Variants in DENND1A observed in about 807,000 individuals in gnomAD.
The protein encoded by DENND1A is DENN domain containing 1A, also known as DENN domain-containing protein 1A.
DENND1A carries 51 observed loss-of-function variants against 113.7 expected under a neutral mutation model. The ratio of observed to expected loss-of-function variants is 0.45; its 90% CI spans 0.36 to 0.57. The LOEUF is 0.57. Ranked by LOEUF, DENND1A falls within the 20% of genes least tolerant of loss-of-function variation. DENND1A has a pLI of 0.00. For missense variants in DENND1A, 1,258 were observed against 1,395.9 expected, an observed-to-expected ratio of 0.90 and a Z score of 1.57; for synonymous variants, 565 against 570.8, an observed-to-expected ratio of 0.99 and a Z score of 0.14.
At chr9:123,531,552 T>TACACACA (rs1266925768) in intron 13 of DENND1A, among the ~76,000 whole-genome samples, 4 of 133,872 alleles carry the variant, frequency 3.0e-5, no homozygotes, top group Middle Eastern at 3.7e-3. Flanking sequence ...CCCCTCTCTC[T>TACACACA]CTACACACAC....
At chr9:123,432,044 G>C (rs935798039) in intron 19 of DENND1A, among the ~76,000 whole-genome samples, 1 of 152,098 alleles carries the variant, frequency 6.6e-6, no homozygotes, top group Non-Finnish European at 1.5e-5. Flanking sequence ...GTTCTTCCAT[G>C]GTACATCAGG....
intron 8 of DENND1A, among the ~76,000 whole-genome samples, chr9:123,656,808 T>C (rs1206333898): frequency 6.6e-6 from 1 of 152,246 alleles, no homozygotes; most frequent in Non-Finnish European, 1.5e-5. Context: ...ACTCACCTAC[T>C]TGGAAAGGAA....
At chr9:123,885,655 G>A (rs1011713759) in intron 1 of DENND1A, among the ~76,000 whole-genome samples, 7 of 152,224 alleles carry the variant, frequency 4.6e-5, no homozygotes, top group Non-Finnish European at 7.4e-5. Context: ...AGGGAGGTCT[G>A]CTCAGTTTTT....
chr9:123,421,695 G>A (rs989246405), intron 19 of DENND1A, among the ~76,000 whole-genome samples: 1 of 152,176 alleles, frequency 6.6e-6, no homozygotes. Context: ...ATGCAACTAG[G>A]AAATGAGAAG....
chr9:123,398,532 G>A (rs2043253982), intron 21 of DENND1A, among the ~76,000 whole-genome samples: 1 of 151,218 alleles, frequency 6.6e-6, no homozygotes. Context: ...CCACCACCAT[G>A]CCCGGCTAAT....
intron 16 of DENND1A, 89 bp downstream of exon 16, chr9:123,454,650 C>T: frequency 7.5e-7 from 1 of 1,335,504 alleles, no homozygotes; most frequent in Admixed American, 2.0e-5. Flanking sequence ...TGGAGTGCTC[C>T]AGGATGGAAG....
intron 2 of DENND1A, among the ~76,000 whole-genome samples, chr9:123,803,216 T>C (rs1385306268): frequency 2.6e-5 from 4 of 152,202 alleles, no homozygotes; most frequent in Non-Finnish European, 5.9e-5. Context: ...TCATGTATAC[T>C]TGGAAACTCC....
chr9:123,528,997 G>A lies in DENND1A; in HGVS notation c.993+28573C>T, dbSNP rs151195735. Among the ~76,000 whole-genome samples the A allele has an allele frequency of 4.9e-3, 741 of 152,132 alleles. 7 individuals carry two copies. Among genetic ancestry groups the A allele is most frequent in the African/African-American group, 0.017 (710 of 41,500 alleles). On this transcript the variant is annotated intron_variant, in intron 13 of 23. Transcript: ENST00000394215. The stretch of plus-strand genomic sequence containing the variant: ...CTCTGGCAGAGTTAATCACATCCTC[G>A]TTGTGTCACTCTCTTATTTAGCAGC...
chr9:123,632,512 G>T (rs1449832264), intron 9 of DENND1A, among the ~76,000 whole-genome samples: 1 of 152,126 alleles, frequency 6.6e-6, no homozygotes, highest in Admixed American at 6.6e-5. Context: ...CTGAAGTCAG[G>T]CTGGAGGGTT....
chr9:123,735,724 C>T (rs1369705358), intron 5 of DENND1A, among the ~76,000 whole-genome samples: 7 of 152,144 alleles, frequency 4.6e-5, no homozygotes, highest in Admixed American at 2.0e-4. Flanking sequence ...CTTGGCTGGG[C>T]GTGGTGGCTC....
chr9:123,622,547 A>AT (rs2138288346), intron 10 of DENND1A, among the ~76,000 whole-genome samples: 1 of 152,250 alleles, frequency 6.6e-6, no homozygotes, highest in Non-Finnish European at 1.5e-5. Context: ...GACATGAAGA[A>AT]TTTTTTCATA....
intron 21 of DENND1A, among the ~76,000 whole-genome samples, chr9:123,395,737 C>T (rs1194280204): frequency 6.6e-6 from 1 of 152,142 alleles, no homozygotes; most frequent in African/African-American, 2.4e-5. Flanking sequence ...GATGCACTGG[C>T]AGCTTCATAC....
intron 5 of DENND1A, among the ~76,000 whole-genome samples, chr9:123,677,221 G>A (rs111810142): frequency 0.019 from 2,892 of 152,182 alleles, 46 homozygotes; most frequent in Admixed American, 0.029. Flanking sequence ...ATCTGCAAAG[G>A]GTCCCAATGC....
intron 20 of DENND1A, among the ~76,000 whole-genome samples, chr9:123,404,396 T>C (rs1475955875): frequency 6.6e-6 from 1 of 152,358 alleles, no homozygotes; most frequent in East Asian, 1.9e-4. Context: ...GAGGGATGGG[T>C]TGAGAGCTAA....
At chr9:123,922,482 T>C (rs934490861) in intron 1 of DENND1A, among the ~76,000 whole-genome samples, 2 of 152,214 alleles carry the variant, frequency 1.3e-5, no homozygotes, top group Non-Finnish European at 2.9e-5. Flanking sequence ...ATTTCTAACA[T>C]ATTCTCACGT....
At chr9:123,797,545 A>C (rs1176102541) in intron 2 of DENND1A, among the ~76,000 whole-genome samples, 1 of 152,182 alleles carries the variant, frequency 6.6e-6, no homozygotes, top group Non-Finnish European at 1.5e-5. Flanking sequence ...TGATAAGATG[A>C]CCGCAAACTG....
chr9:123,881,366 G>C (rs1848292102), intron 1 of DENND1A, among the ~76,000 whole-genome samples: 1 of 152,084 alleles, frequency 6.6e-6, no homozygotes. Flanking sequence ...TGAAAGAAAG[G>C]GAAGTTCAAA....
intron 5 of DENND1A, among the ~76,000 whole-genome samples, chr9:123,714,008 T>C (rs571589593): frequency 6.6e-6 from 1 of 152,372 alleles, no homozygotes; most frequent in African/African-American, 2.4e-5. Context: ...AATTGGAATT[T>C]ACTTTTAACA....
intron 13 of DENND1A, among the ~76,000 whole-genome samples, chr9:123,512,256 A>T (rs969923557): frequency 7.9e-5 from 12 of 152,218 alleles, no homozygotes; most frequent in Non-Finnish European, 1.8e-4. Flanking sequence ...AGATATGAAG[A>T]GGCCGGGGAA....
Sources: allele counts gnomAD v4.1 joint callset (sites outside exome capture counted in the v4.1 genomes callset), GRCh38; gene constraint gnomAD v4.1.1; transcripts MANE v1.5; gene names NCBI Gene and HGNC (gene_info 2026-07-23, HGNC 2026-07-21).